The following EHBP1 variants were observed in gnomAD, a reference collection of about 807,000 sequenced individuals.
The protein encoded by EHBP1 is EH domain-binding protein 1.
EHBP1 carries 55 observed loss-of-function variants against 144.0 expected under a neutral mutation model. The ratio of observed to expected loss-of-function variants is 0.38; its 90% confidence interval spans 0.31 to 0.48. The LOEUF is 0.48. EHBP1 is among the 20% of genes least tolerant of loss of function. The pLI, the probability that EHBP1 is intolerant of heterozygous loss-of-function variation, is 0.98. For synonymous variants in EHBP1, 469 were observed against 472.7 expected (o/e 0.99, Z 0.10); for missense variants, 1,200 against 1,364.2 (o/e 0.88, Z 1.90).
chr2:62,734,762 T>A (rs377249894), intron 2 of EHBP1, among the ~76,000 whole-genome samples: 1 of 152,194 alleles, frequency 6.6e-6, no homozygotes. Context: ...TGTGCGTGCA[T>A]GTGTGTGTTT....
chr2:62,973,012 AATTT>A (rs1003714076), intron 14 of EHBP1, among the ~76,000 whole-genome samples: 1 of 152,178 alleles, frequency 6.6e-6, no homozygotes, highest in African/African-American at 2.4e-5. Flanking sequence ...ACAAACAAAC[AATTT>A]ACATGGAAAT....
intron 4 of EHBP1, among the ~76,000 whole-genome samples, chr2:62,767,876 A>C (rs2041322959): frequency 6.6e-6 from 1 of 151,814 alleles, no homozygotes. Flanking sequence ...AAAATCACTC[A>C]AAACCATGCA....
chr2:62,833,659 C>T (rs1027994093), intron 7 of EHBP1, among the ~76,000 whole-genome samples: 5 of 152,206 alleles, frequency 3.3e-5, no homozygotes, highest in South Asian at 2.1e-4. Flanking sequence ...TCATTGACAG[C>T]GTACCTGGTT....
intron 19 of EHBP1, among the ~76,000 whole-genome samples, chr2:63,016,028 TGAA>T (rs2060471218): frequency 6.6e-6 from 1 of 152,176 alleles, no homozygotes; most frequent in Admixed American, 6.5e-5. Flanking sequence ...ACTAAGGTTC[TGAA>T]GTAGTATAGA....
At chr2:62,724,641 G>T (rs1558552882) in intron 2 of EHBP1, among the ~76,000 whole-genome samples, 2 of 145,540 alleles carry the variant, frequency 1.4e-5, no homozygotes, top group South Asian at 4.3e-4. Context: ...CCTTTGGATA[G>T]TTTTTTTTTT....
intron 10 of EHBP1, among the ~76,000 whole-genome samples, chr2:62,942,468 G>A (rs1358274882): frequency 6.6e-6 from 1 of 152,136 alleles, no homozygotes; most frequent in Admixed American, 6.5e-5. Flanking sequence ...CAAAGCTCTT[G>A]GCCTGTTCTT....
chr2:62,950,494 G>A (rs1361677165), intron 13 of EHBP1, among the ~76,000 whole-genome samples: 3 of 151,940 alleles, frequency 2.0e-5, no homozygotes, highest in African/African-American at 7.2e-5. Flanking sequence ...ATTAAAATGT[G>A]TTAACATCTA....
intron 14 of EHBP1, among the ~76,000 whole-genome samples, chr2:62,969,115 TTC>T (rs2058377686): frequency 6.6e-6 from 1 of 152,190 alleles, no homozygotes; most frequent in Non-Finnish European, 1.5e-5. Flanking sequence ...CTCAAACTAT[TTC>T]TGTTAGTTCT....
chr2:62,770,550 C>T (rs943009125), intron 4 of EHBP1, among the ~76,000 whole-genome samples: 1 of 152,152 alleles, frequency 6.6e-6, no homozygotes, highest in African/African-American at 2.4e-5. Context: ...CACTTATACA[C>T]TGGTGGTAGG....
intron 10 of EHBP1, among the ~76,000 whole-genome samples, chr2:62,878,283 A>T (rs1573859566): frequency 6.6e-6 from 1 of 152,320 alleles, no homozygotes; most frequent in East Asian, 1.9e-4. Flanking sequence ...TGAAACCCTG[A>T]ACAGACCAAT....
chr2:62,693,661 T>C (rs991255257), intron 1 of EHBP1, among the ~76,000 whole-genome samples: 2 of 152,192 alleles, frequency 1.3e-5, no homozygotes, highest in Non-Finnish European at 1.5e-5. Context: ...TACTTTGAAA[T>C]ATACTATAAA....
rs531698715 is a variant in EHBP1 at position 62,870,138 on chromosome 2, A to G, written c.999-4208A>G. Among the ~76,000 whole-genome samples, 7 of 152,220 alleles carry G rather than the reference A, an allele frequency of 4.6e-5. No individual in the cohort carries two copies. In the South Asian group the frequency reaches 1.4e-3, roughly 32 times the overall value. ...ATATGTGGGTTGAGAGGGGAATAAT[A>G]ATAAGGCTCCTTTGATTCATGAAAG... On this transcript the variant is annotated intron_variant, in intron 9 of 22. Transcript: ENST00000431489.
intron 19 of EHBP1, among the ~76,000 whole-genome samples, chr2:63,030,048 G>T (rs17657580): frequency 0.087 from 13,216 of 152,136 alleles, 754 homozygotes; most frequent in Non-Finnish European, 0.13. Context: ...GCCATATTGG[G>T]TGTGGATGCA....
At chr2:62,842,600 C>T (rs989128801) in intron 7 of EHBP1, among the ~76,000 whole-genome samples, 21 of 152,178 alleles carry the variant, frequency 1.4e-4, no homozygotes, top group African/African-American at 5.1e-4. Flanking sequence ...TTTGATGCCC[C>T]CTGCCTCTTA....
intron 19 of EHBP1, among the ~76,000 whole-genome samples, chr2:63,021,023 A>G (rs1455973102): frequency 2.0e-5 from 2 of 102,046 alleles, no homozygotes; most frequent in Non-Finnish European, 1.8e-5. Context: ...AGGTCTCTCT[A>G]TGTTGCCCAA....
intron 7 of EHBP1, among the ~76,000 whole-genome samples, chr2:62,851,418 A>G (rs1467871324): frequency 1.3e-5 from 2 of 152,000 alleles, no homozygotes; most frequent in Non-Finnish European, 2.9e-5. Flanking sequence ...CATAATGTCT[A>G]CTTGTCTTGT....
At chr2:63,022,190 C>CT (rs1202362514) in intron 19 of EHBP1, among the ~76,000 whole-genome samples, 1 of 152,172 alleles carries the variant, frequency 6.6e-6, no homozygotes, top group Non-Finnish European at 1.5e-5. Context: ...GTGAACCTTA[C>CT]TTTCATTGTT....
At chr2:63,038,604 T>TTC (rs2061538321) in intron 20 of EHBP1, 139 bp from the exon 21 acceptor site, 3 of 654,784 alleles carry the variant, frequency 4.6e-6, no homozygotes, top group Admixed American at 5.4e-5. Flanking sequence ...TTTAGGTTTG[T>TTC]GTATCATTCA....
intron 5 of EHBP1, among the ~76,000 whole-genome samples, chr2:62,821,846 A>G (rs2152571111): frequency 6.6e-6 from 1 of 152,160 alleles, no homozygotes; most frequent in East Asian, 1.9e-4. Context: ...TTTATTTTTT[A>G]TTTTTGTGGA....
Sources: gnomAD v4.1 joint callset for allele counts (sites outside exome capture counted in the v4.1 genomes callset) on GRCh38, gnomAD v4.1.1 for gene constraint, MANE v1.5 for transcripts, NCBI Gene and HGNC (gene_info 2026-07-23, HGNC 2026-07-21) for gene names.